Variants in PCDH9 observed in about 807,000 individuals in gnomAD.
The protein encoded by PCDH9 is protocadherin-9.
In PCDH9, 24 loss-of-function variants were observed where a neutral mutation model predicts 70.6. The observed-to-expected ratio is 0.34, with a 90% CI of 0.25 to 0.48. PCDH9 has a LOEUF of 0.48. Ranked by LOEUF, PCDH9 falls within the 20% of genes least tolerant of loss-of-function variation. The pLI, the probability that PCDH9 is intolerant of heterozygous loss-of-function variation, is 0.99. For synonymous variants in PCDH9, 562 were observed against 558.5 expected, an observed-to-expected ratio of 1.01 and a Z score of -0.09; for missense variants, 1,281 against 1,503.6, an observed-to-expected ratio of 0.85 and a Z score of 2.45.
chr13:66,835,657 C>T (rs1217261582), intron 3 of PCDH9, among the ~76,000 whole-genome samples: 1 of 152,108 alleles, frequency 6.6e-6, no homozygotes, highest in Non-Finnish European at 1.5e-5. Context: ...GCTAACCACC[C>T]AACAATTTTT....
At position 66,392,472 on chromosome 13, in the gene PCDH9, A is replaced by G. The variant is rs561343647; in HGVS notation, c.3341-87444T>C. Among the ~76,000 whole-genome samples, 22 of 152,318 alleles carry G rather than the reference A, an allele frequency of 1.4e-4. No homozygotes were observed. In the South Asian group the frequency reaches 2.9e-3, roughly 20 times the overall value. Reference sequence around the variant, plus strand: ...TCCACCACTCATTGAATTAAAAGTCATAATACTACCATTCTCCCCAGAATG... The same window carrying G: ...TCCACCACTCATTGAATTAAAAGTCGTAATACTACCATTCTCCCCAGAATG... On this transcript the variant is annotated intron_variant, in intron 4 of 4. Transcript: ENST00000377865.
Position 67,032,324 on chromosome 13 carries a change from C to A in PCDH9, c.3037-128719G>T, listed in dbSNP as rs183787897. On this transcript the variant is annotated intron_variant, in intron 2 of 4. Coordinates refer to ENST00000377865, the MANE Select transcript of PCDH9 (RefSeq NM_203487.3). The stretch of plus-strand genomic sequence containing the variant: ...ACACATACAACTATATATTTTTCTG[C>A]CTTTTTTTTTTGCATTTTTTGTAGA... 1.4e-3 allele frequency among the ~76,000 whole-genome samples: 217 copies of A among 150,124 alleles called. No individual in the cohort carries two copies. The Middle Eastern group carries it at 0.021, about 14-fold the overall frequency.
chr13:66,457,681 C>T (rs1035766722), intron 4 of PCDH9, among the ~76,000 whole-genome samples: 11 of 151,856 alleles, frequency 7.2e-5, no homozygotes, highest in African/African-American at 1.7e-4. Flanking sequence ...GATCCCCAGG[C>T]GATTGCAAAT....
At chr13:66,437,524 C>CA (rs1566324689) in intron 4 of PCDH9, among the ~76,000 whole-genome samples, 1 of 148,826 alleles carries the variant, frequency 6.7e-6, no homozygotes, top group Non-Finnish European at 1.5e-5. Context: ...TCACATACAT[C>CA]AAAAAAATCA....
chr13:66,742,424 T>C (rs1312640980), intron 3 of PCDH9, among the ~76,000 whole-genome samples: 2 of 126,848 alleles, frequency 1.6e-5, no homozygotes, highest in African/African-American at 6.3e-5. Context: ...ATTCAGGACA[T>C]AGGCATGGGC....
intron 4 of PCDH9, among the ~76,000 whole-genome samples, chr13:66,409,271 C>T (rs752467543): frequency 1.6e-4 from 24 of 152,076 alleles, no homozygotes; most frequent in South Asian, 1.0e-3. Flanking sequence ...CATTATGTTC[C>T]CTTACTGTGA....
At chr13:67,140,331 G>A (rs2087351049) in intron 2 of PCDH9, among the ~76,000 whole-genome samples, 1 of 152,070 alleles carries the variant, frequency 6.6e-6, no homozygotes, top group Non-Finnish European at 1.5e-5. Context: ...TAGAGCTAAG[G>A]TAAGATAAGT....
At chr13:66,604,943 G>A (rs921345264) in intron 4 of PCDH9, among the ~76,000 whole-genome samples, 1 of 151,896 alleles carries the variant, frequency 6.6e-6, no homozygotes, top group African/African-American at 2.4e-5. Flanking sequence ...TACATAAAGT[G>A]GTCATGTGCT....
At chr13:66,851,464 T>C (rs2081312998) in intron 3 of PCDH9, among the ~76,000 whole-genome samples, 1 of 152,104 alleles carries the variant, frequency 6.6e-6, no homozygotes, top group Admixed American at 6.6e-5. Flanking sequence ...ACTAAAAATT[T>C]AAGAGTTAAA....
At chr13:66,829,008 CT>C (rs565296411) in intron 3 of PCDH9, among the ~76,000 whole-genome samples, 1 of 151,662 alleles carries the variant, frequency 6.6e-6, no homozygotes, top group Non-Finnish European at 1.5e-5. Context: ...TTCTGTGGGT[CT>C]TTTTTTGTTT....
At chr13:66,596,919 C>T (rs1465617987) in intron 4 of PCDH9, among the ~76,000 whole-genome samples, 5 of 146,278 alleles carry the variant, frequency 3.4e-5, no homozygotes, top group African/African-American at 1.0e-4. Context: ...TTGTACCTTT[C>T]TCATTTAGAG....
Position 67,066,670 on chromosome 13 carries a change from C to T in PCDH9, c.3036+158735G>A, listed in dbSNP as rs372465149. On this transcript the variant is annotated intron_variant, in intron 2 of 4. Coordinates refer to ENST00000377865, the MANE Select transcript of PCDH9 (RefSeq NM_203487.3). ...AGAATTTTTAATGAGGCCTTTCATACAGAATTTTTTTTATTATATTAGTTT... is the reference window on the plus strand; with the variant it reads ...AGAATTTTTAATGAGGCCTTTCATATAGAATTTTTTTTATTATATTAGTTT... Among the ~76,000 whole-genome samples, 9 of 152,138 alleles carry T rather than the reference C, an allele frequency of 5.9e-5. No homozygotes were observed. The East Asian group carries it at 1.4e-3, about 23-fold the overall frequency.
intron 4 of PCDH9, among the ~76,000 whole-genome samples, chr13:66,397,842 A>T (rs1040718110): frequency 6.6e-6 from 1 of 151,996 alleles, no homozygotes; most frequent in Admixed American, 6.6e-5. Context: ...ATGCAAAATA[A>T]CAAAAAATTA....
At chr13:66,631,081 CA>C (rs2077565422) in intron 4 of PCDH9, 128 bp downstream of exon 4, 1 of 629,010 alleles carries the variant, frequency 1.6e-6, no homozygotes. Flanking sequence ...AAGAATACAG[CA>C]ACAACAATAA....
At chr13:67,012,706 G>T (rs1003393509) in intron 2 of PCDH9, among the ~76,000 whole-genome samples, 11 of 151,966 alleles carry the variant, frequency 7.2e-5, no homozygotes, top group Admixed American at 1.3e-4. Flanking sequence ...AATTGGGATG[G>T]TTCCTGCCCT....
intron 2 of PCDH9, among the ~76,000 whole-genome samples, chr13:67,184,531 C>A (rs2088699153): frequency 6.6e-6 from 1 of 152,110 alleles, no homozygotes; most frequent in Non-Finnish European, 1.5e-5. Context: ...AAATTCAAGA[C>A]CAGCCAGAGC....
intron 4 of PCDH9, among the ~76,000 whole-genome samples, chr13:66,340,583 G>A (rs1286580277): frequency 1.3e-5 from 2 of 152,136 alleles, no homozygotes; most frequent in Non-Finnish European, 2.9e-5. Context: ...TGCCAAATAT[G>A]TGCCACTTCA....
intron 4 of PCDH9, among the ~76,000 whole-genome samples, chr13:66,479,269 G>C (rs1958793162): frequency 6.6e-6 from 1 of 152,178 alleles, no homozygotes; most frequent in Non-Finnish European, 1.5e-5. Context: ...TTATTCAGGA[G>C]CTCTGACTGA....
chr13:66,365,038 C>A (rs961151791), intron 4 of PCDH9, among the ~76,000 whole-genome samples: 6 of 152,126 alleles, frequency 3.9e-5, no homozygotes, highest in Non-Finnish European at 8.8e-5. Context: ...TGATGACTGC[C>A]CTTTTAAGCA....
Sources: allele counts gnomAD v4.1 joint callset (sites outside exome capture counted in the v4.1 genomes callset), GRCh38; gene constraint gnomAD v4.1.1; transcripts MANE v1.5; gene names NCBI Gene and HGNC (gene_info 2026-07-23, HGNC 2026-07-21).